Variants in WWOX observed in about 807,000 individuals in gnomAD.
WWOX encodes WW domain containing oxidoreductase.
In WWOX, 69 loss-of-function variants were observed where a neutral mutation model predicts 46.2. That is an observed-to-expected ratio of 1.49 (90% CI 1.23 to 1.82). The LOEUF (loss-of-function observed/expected upper bound fraction) is 1.82, where lower values mean the gene tolerates loss of function less well. Among genes scored for constraint, WWOX ranks in the 40% most tolerant of loss-of-function variants. WWOX has a pLI of 0.00. For missense variants in WWOX, 919 were observed against 542.6 expected, an observed-to-expected ratio of 1.69 and a Z score of -6.89; for synonymous variants, 359 against 202.6, an observed-to-expected ratio of 1.77 and a Z score of -6.56.
At position 79,083,369 on chromosome 16, in the gene WWOX, A is replaced by C. The variant is rs547772173; in HGVS notation, c.1057-128239A>C. On this transcript the variant is annotated intron_variant, in intron 8 of 8. Transcript: ENST00000566780. ...AGGAAGCAATGTTCAGATGAAACCC[A>C]TGTCTTCCTCCTGGGTCCCTGAGTG... Among the ~76,000 whole-genome samples the C allele has an allele frequency of 6.6e-5, 10 of 152,294 alleles. No individual in the cohort carries two copies. The South Asian group carries it at 2.1e-3, about 32-fold the overall frequency.
chr16:78,191,223 G>A (rs989924020), intron 5 of WWOX, among the ~76,000 whole-genome samples: 1 of 152,086 alleles, frequency 6.6e-6, no homozygotes, highest in African/African-American at 2.4e-5. Context: ...AAGAAAAGAT[G>A]CCCCCTCCTC....
intron 8 of WWOX, among the ~76,000 whole-genome samples, chr16:78,829,732 G>A (rs1465748234): frequency 1.3e-5 from 2 of 152,102 alleles, no homozygotes; most frequent in African/African-American, 4.8e-5. Flanking sequence ...CCAACCTAAG[G>A]AAACTGAGAC....
intron 4 of WWOX, among the ~76,000 whole-genome samples, chr16:78,152,288 A>G (rs2034442629): frequency 6.6e-6 from 1 of 152,106 alleles, no homozygotes; most frequent in African/African-American, 2.4e-5. Flanking sequence ...ATTTTGTCCT[A>G]TTCATGCAAT....
intron 5 of WWOX, among the ~76,000 whole-genome samples, chr16:78,198,167 G>A (rs1453499417): frequency 6.6e-6 from 1 of 152,026 alleles, no homozygotes; most frequent in Non-Finnish European, 1.5e-5. Flanking sequence ...GGTGCCTCTG[G>A]GGGTCTCTGC....
At chr16:79,192,875 C>G (rs1052355144) in intron 8 of WWOX, among the ~76,000 whole-genome samples, 1 of 152,184 alleles carries the variant, frequency 6.6e-6, no homozygotes, top group African/African-American at 2.4e-5. Flanking sequence ...CTAATTTCCT[C>G]ACAGGGCCGC....
chr16:78,615,345 T>A (rs570029536), intron 8 of WWOX, among the ~76,000 whole-genome samples: 2 of 152,240 alleles, frequency 1.3e-5, no homozygotes, highest in African/African-American at 4.8e-5. Context: ...TGGTGTATAG[T>A]TGGCTAAAAA....
chr16:78,655,486 C>T (rs2047060097), intron 8 of WWOX, among the ~76,000 whole-genome samples: 1 of 152,128 alleles, frequency 6.6e-6, no homozygotes, highest in African/African-American at 2.4e-5. Flanking sequence ...CTTTTGTCTG[C>T]TGTGTTTCCT....
chr16:78,304,373 G>T (rs1442233013), intron 5 of WWOX, among the ~76,000 whole-genome samples: 2 of 152,206 alleles, frequency 1.3e-5, no homozygotes, highest in Admixed American at 1.3e-4. Flanking sequence ...GAGTGTGGAG[G>T]TTTGGTTTCC....
chr16:79,186,951 A>C (rs1296785300), intron 8 of WWOX, among the ~76,000 whole-genome samples: 1 of 152,216 alleles, frequency 6.6e-6, no homozygotes, highest in Middle Eastern at 3.2e-3. Context: ...GTGGAGTGAC[A>C]GGTGTCACTA....
intron 8 of WWOX, among the ~76,000 whole-genome samples, chr16:79,211,202 G>T (rs1349777037): frequency 6.6e-6 from 1 of 152,172 alleles, no homozygotes; most frequent in African/African-American, 2.4e-5. Context: ...CAGACAGAAG[G>T]TTCTACAAAC....
chr16:78,844,079 G>A (rs927477561), intron 8 of WWOX, among the ~76,000 whole-genome samples: 3 of 152,140 alleles, frequency 2.0e-5, no homozygotes, highest in African/African-American at 7.2e-5. Context: ...GTTATTTAAC[G>A]TGGAGGTCTA....
chr16:78,370,699 T>A (rs1044961099), intron 5 of WWOX, among the ~76,000 whole-genome samples: 1 of 149,528 alleles, frequency 6.7e-6, no homozygotes, highest in Non-Finnish European at 1.5e-5. Flanking sequence ...TTATTTTTCT[T>A]GGGATCAATT....
chr16:78,102,830 C>A (rs1363204321), intron 1 of WWOX, among the ~76,000 whole-genome samples: 2 of 152,116 alleles, frequency 1.3e-5, no homozygotes, highest in Non-Finnish European at 2.9e-5. Flanking sequence ...AGATGAGCCC[C>A]TGTGGGATGA....
chr16:78,448,181 C>G (rs573088348), intron 8 of WWOX, among the ~76,000 whole-genome samples: 3 of 152,272 alleles, frequency 2.0e-5, no homozygotes, highest in Admixed American at 2.0e-4. Context: ...CAATGAAATA[C>G]TGGCCTGTGA....
At chr16:78,119,121 G>C (rs1225068758) in intron 4 of WWOX, 1 of 152,218 alleles carries the variant, frequency 6.6e-6, no homozygotes, top group Admixed American at 6.5e-5. Context: ...AACCAGTAGA[G>C]ACAAGGGAGG....
chr16:78,779,370 C>G (rs1346614266), intron 8 of WWOX, among the ~76,000 whole-genome samples: 1 of 152,134 alleles, frequency 6.6e-6, no homozygotes, highest in African/African-American at 2.4e-5. Flanking sequence ...TGGTCTTGAA[C>G]TCTTGAGCTC....
intron 5 of WWOX, among the ~76,000 whole-genome samples, chr16:78,165,122 G>A (rs983826514): frequency 2.6e-5 from 4 of 152,184 alleles, no homozygotes; most frequent in African/African-American, 9.7e-5. Flanking sequence ...GTGCTGTTGG[G>A]GGATGGGTAT....
chr16:78,976,042 C>T (rs1025425993), intron 8 of WWOX, among the ~76,000 whole-genome samples: 4 of 152,162 alleles, frequency 2.6e-5, no homozygotes, highest in Non-Finnish European at 5.9e-5. Context: ...GTTTAGCCAG[C>T]GCCCCGCTCT....
At chr16:78,937,931 G>A (rs143473263) in intron 8 of WWOX, among the ~76,000 whole-genome samples, 1 of 152,238 alleles carries the variant, frequency 6.6e-6, no homozygotes. Context: ...TGTGGCTATA[G>A]AACTTTTTAA....
Sources: allele counts gnomAD v4.1 joint callset (sites outside exome capture counted in the v4.1 genomes callset), GRCh38; gene constraint gnomAD v4.1.1; transcripts MANE v1.5; gene names NCBI Gene and HGNC (gene_info 2026-07-23, HGNC 2026-07-21).